The following DOCK2 variants were observed in gnomAD, a reference collection of about 807,000 sequenced individuals.
The protein encoded by DOCK2 is dedicator of cytokinesis protein 2.
In DOCK2, 87 loss-of-function variants were observed where a neutral mutation model predicts 248.9. The observed-to-expected ratio is 0.35, with a 90% CI of 0.29 to 0.42. The LOEUF (loss-of-function observed/expected upper bound fraction) is 0.42. Ranked by LOEUF, DOCK2 falls within the 10% of genes least tolerant of loss-of-function variation. The pLI, the probability that DOCK2 is intolerant of heterozygous loss-of-function variation, is 1.00. For synonymous variants in DOCK2, 805 were observed against 821.6 expected (o/e 0.98, Z 0.35); for missense variants, 1,747 against 2,300.2 (o/e 0.76, Z 4.92).
At chr5:169,990,029 T>A (rs1488041842) in intron 29 of DOCK2, among the ~76,000 whole-genome samples, 1 of 152,024 alleles carries the variant, frequency 6.6e-6, no homozygotes, top group Non-Finnish European at 1.5e-5. Flanking sequence ...TGATTATTCG[T>A]TTTTGGGGTC....
Position 169,681,848 on chromosome 5 carries a change from A to G in DOCK2, c.575A>G (p.Asp192Gly), listed in dbSNP as rs1031253068. ...SLFHAHEEAT[D>G]KITERIKEEM... is the part of the protein sequence containing the mutation. ...TTCCATGCACATGAGGAAGCAACTGATAAAATCACAGAGCGTATCAAAGAA... is the reference window on the plus strand; with the variant it reads ...TTCCATGCACATGAGGAAGCAACTGGTAAAATCACAGAGCGTATCAAAGAA... The change falls in exon 7 of 52, where the codon GAT becomes GGT. Residue 192 changes from aspartate to glycine, a missense_variant. Asp to Gly is a moderately conservative substitution (Grantham distance 94, BLOSUM62 -1). Coordinates refer to ENST00000520908, the MANE Select transcript of DOCK2 (RefSeq NM_004946.3). 1.9e-6 allele frequency: 3 copies of G among 1,614,050 alleles called. No individual in the cohort carries two copies. Among genetic ancestry groups the G allele is most frequent in the Admixed American group, 3.3e-5 (2 of 60,024 alleles).
intron 27 of DOCK2, among the ~76,000 whole-genome samples, chr5:169,978,107 G>A (rs1341923136): frequency 2.0e-5 from 3 of 151,970 alleles, no homozygotes; most frequent in South Asian, 4.2e-4. Context: ...TATTTTGGTC[G>A]TGCGCATTAT....
intron 22 of DOCK2, among the ~76,000 whole-genome samples, chr5:169,731,667 CA>C (rs1472524492): frequency 7.8e-6 from 1 of 128,152 alleles, no homozygotes; most frequent in African/African-American, 4.4e-5. Context: ...TTCTTGTACA[CA>C]AGTGTATTTT....
chr5:170,039,661 A>G (rs1475847445), intron 36 of DOCK2, among the ~76,000 whole-genome samples: 1 of 152,204 alleles, frequency 6.6e-6, no homozygotes, highest in African/African-American at 2.4e-5. Flanking sequence ...GACCCATTTT[A>G]TGTGGCAGGA....
At chr5:169,835,014 G>T (rs1368084676) in intron 26 of DOCK2, among the ~76,000 whole-genome samples, 2 of 152,116 alleles carry the variant, frequency 1.3e-5, no homozygotes, top group African/African-American at 4.8e-5. Flanking sequence ...AGAATGAAAA[G>T]GAATCTTGGA....
intron 6 of DOCK2, among the ~76,000 whole-genome samples, chr5:169,676,661 G>C (rs1025386300): frequency 6.0e-5 from 9 of 148,954 alleles, no homozygotes; most frequent in African/African-American, 2.3e-4. Context: ...TCTGGGCCAA[G>C]TGTCAGGATC....
chr5:170,057,745 C>T (rs1229051485), intron 44 of DOCK2, 79 bp downstream of exon 44: 1 of 1,278,798 alleles, frequency 7.8e-7, no homozygotes, highest in South Asian at 1.5e-5. Context: ...GCCCCTTTGA[C>T]TTTAAAAAGG....
chr5:169,671,501 A>G (rs998397710), intron 5 of DOCK2, among the ~76,000 whole-genome samples: 1 of 152,218 alleles, frequency 6.6e-6, no homozygotes, highest in African/African-American at 2.4e-5. Context: ...AATAATCTGC[A>G]TTTTTAATAA....
At chr5:169,734,809 G>A (rs1435873173) in intron 22 of DOCK2, among the ~76,000 whole-genome samples, 3 of 152,112 alleles carry the variant, frequency 2.0e-5, no homozygotes, top group Non-Finnish European at 2.9e-5. Context: ...TTATATGAGG[G>A]TCTCCAATAT....
intron 27 of DOCK2, among the ~76,000 whole-genome samples, chr5:169,911,999 A>T (rs1449008773): frequency 2.0e-5 from 3 of 152,212 alleles, no homozygotes; most frequent in African/African-American, 4.8e-5. Context: ...GCATAAGCCA[A>T]GATCCCTAAC....
intron 22 of DOCK2, among the ~76,000 whole-genome samples, chr5:169,742,374 G>A (rs1044417886): frequency 6.6e-6 from 1 of 152,192 alleles, no homozygotes; most frequent in Non-Finnish European, 1.5e-5. Context: ...TTTTACTAAT[G>A]AGAAATCTGA....
At chr5:169,842,742 G>A (rs1770059676) in intron 27 of DOCK2, among the ~76,000 whole-genome samples, 1 of 152,146 alleles carries the variant, frequency 6.6e-6, no homozygotes, top group African/African-American at 2.4e-5. Flanking sequence ...AATGGGGCCT[G>A]TGTCATAAGA....
intron 10 of DOCK2, among the ~76,000 whole-genome samples, chr5:169,697,962 G>A (rs1482599610): frequency 6.6e-6 from 1 of 152,174 alleles, no homozygotes; most frequent in Non-Finnish European, 1.5e-5. Context: ...AAAAGAGGGT[G>A]GATATTTCAT....
At chr5:169,797,492 G>A (rs1330455986) in intron 25 of DOCK2, among the ~76,000 whole-genome samples, 1 of 152,174 alleles carries the variant, frequency 6.6e-6, no homozygotes, top group Non-Finnish European at 1.5e-5. Flanking sequence ...AGCACTGACC[G>A]CCACATGACA....
intron 25 of DOCK2, among the ~76,000 whole-genome samples, chr5:169,798,739 T>G (rs1397715042): frequency 6.6e-6 from 1 of 152,192 alleles, no homozygotes; most frequent in African/African-American, 2.4e-5. Flanking sequence ...CCTAGAATAG[T>G]GACTGGCACA....
At position 169,989,597 on chromosome 5, in the gene DOCK2, A is replaced by G. The variant is rs569069968; in HGVS notation, c.2993+3675A>G. Among the ~76,000 whole-genome samples, 7 of 152,356 alleles carry G rather than the reference A, an allele frequency of 4.6e-5. No homozygotes were observed. The South Asian group carries it at 6.2e-4, about 14-fold the overall frequency. On this transcript the variant is annotated intron_variant, in intron 29 of 51. Transcript: ENST00000520908. ...ATATTCCCATGGAAATGCAAGCTGC[A>G]GTTGCTGTCATGAATTTGGAGCCCA... is the stretch of plus-strand genomic sequence containing the variant.
chr5:169,755,015 G>A (rs1456212713), intron 23 of DOCK2, among the ~76,000 whole-genome samples: 2 of 151,784 alleles, frequency 1.3e-5, no homozygotes, highest in Non-Finnish European at 2.9e-5. Flanking sequence ...ACAGAACACT[G>A]TAGCCTCTAG....
intron 9 of DOCK2, among the ~76,000 whole-genome samples, chr5:169,691,690 C>T (rs1760311892): frequency 6.6e-6 from 1 of 152,018 alleles, no homozygotes; most frequent in Non-Finnish European, 1.5e-5. Context: ...GTCTTGCTGG[C>T]CTTATTTCCT....
chr5:169,987,148 T>C (rs1004681776), intron 29 of DOCK2, among the ~76,000 whole-genome samples: 1 of 152,206 alleles, frequency 6.6e-6, no homozygotes. Flanking sequence ...AGGCAGATGC[T>C]CTCTTAGTGG....
Sources: allele counts gnomAD v4.1 joint callset (sites outside exome capture counted in the v4.1 genomes callset), GRCh38; gene constraint gnomAD v4.1.1; transcripts MANE v1.5; gene names NCBI Gene and HGNC (gene_info 2026-07-23, HGNC 2026-07-21).